The following PCDHA4 variants were observed in gnomAD, a reference collection of about 807,000 sequenced individuals.
The protein encoded by PCDHA4 is protocadherin alpha 4, also known as protocadherin alpha-4.
PCDHA4 carries 49 observed loss-of-function variants against 61.4 expected under a neutral mutation model. The observed-to-expected ratio is 0.80, with a 90% CI of 0.63 to 1.01. PCDHA4 has a LOEUF of 1.01. Among genes scored for constraint, PCDHA4 ranks in the 50% least tolerant of loss-of-function variants. PCDHA4 has a pLI of 0.00. For missense variants in PCDHA4, 1,254 were observed against 1,235.8 expected (o/e 1.01, Z -0.22); for synonymous variants, 590 against 550.3 (o/e 1.07, Z -1.01).
chr5:140,854,300 G>A lies in PCDHA4; in HGVS notation c.2385+44728G>A, dbSNP rs193127815. The A allele has an allele frequency of 1.0e-3, 435 of 414,882 alleles. 8 individuals are homozygous for A. Among genetic ancestry groups the A allele is most frequent in the African/African-American group, 1.4e-3 (63 of 46,296 alleles). The allele number at this position is 414,882 out of a possible 1,614,324, so 25.7% of individuals were successfully genotyped here. The stretch of plus-strand genomic sequence containing the variant: ...GAGTTTAGTTTTTATTATTTTGTGC[G>A]TGGAGATGATTGATCAATGGCAAAC... On this transcript the variant is annotated intron_variant, in intron 1 of 3. Coordinates refer to ENST00000530339, the MANE Select transcript of PCDHA4 (RefSeq NM_018907.4).
At chr5:140,883,626 C>A (rs782798960) in intron 1 of PCDHA4, 2 of 1,613,968 alleles carry the variant, frequency 1.2e-6, no homozygotes, top group Non-Finnish European at 1.7e-6. Flanking sequence ...GACAACGCGC[C>A]GGCGTTCGCG....
chr5:141,007,435 G>A (rs1342767950), intron 3 of PCDHA4, among the ~76,000 whole-genome samples: 1 of 150,972 alleles, frequency 6.6e-6, no homozygotes, highest in Non-Finnish European at 1.5e-5. Flanking sequence ...AGGCATGGTG[G>A]CATGTGCCTG....
At chr5:140,896,346 G>T (rs1466880160) in intron 1 of PCDHA4, among the ~76,000 whole-genome samples, 18 of 151,992 alleles carry the variant, frequency 1.2e-4, no homozygotes, top group Non-Finnish European at 2.5e-4. Flanking sequence ...TTATATTCCC[G>T]CCAGCAGTGT....
At chr5:140,911,985 A>C (rs1554195072) in intron 1 of PCDHA4, among the ~76,000 whole-genome samples, 2 of 152,204 alleles carry the variant, frequency 1.3e-5, no homozygotes, top group African/African-American at 4.8e-5. Flanking sequence ...CATGATCACA[A>C]GGTCCCACAA....
intron 1 of PCDHA4, chr5:140,858,429 C>G (rs1554151596): frequency 6.5e-7 from 1 of 1,548,730 alleles, no homozygotes; most frequent in African/African-American, 1.4e-5. Flanking sequence ...GGGGACCACT[C>G]TAGGAAGGTG....
intron 1 of PCDHA4, chr5:140,876,527 T>C (rs2056400042): frequency 6.2e-6 from 10 of 1,614,112 alleles, no homozygotes; most frequent in Non-Finnish European, 7.6e-6. Context: ...GAAGTAATGG[T>C]TACTTCACTG....
intron 2 of PCDHA4, among the ~76,000 whole-genome samples, chr5:140,979,721 C>T (rs2153819868): frequency 6.6e-6 from 1 of 152,290 alleles, no homozygotes; most frequent in East Asian, 1.9e-4. Context: ...GTATCCATGC[C>T]ATGGGGCCAA....
At chr5:140,900,512 G>T (rs1191935182) in intron 1 of PCDHA4, among the ~76,000 whole-genome samples, 4 of 152,300 alleles carry the variant, frequency 2.6e-5, no homozygotes, top group Middle Eastern at 3.4e-3. Context: ...CCCAGCCTCA[G>T]GTGATCTGCC....
At chr5:140,864,164 C>T (rs80100422) in intron 1 of PCDHA4, 19,126 of 151,926 alleles carry the variant, frequency 0.13, 1,273 homozygotes, top group Middle Eastern at 0.19. Context: ...TAAATCTTAC[C>T]GGAAGGATCA....
At chr5:140,811,618 G>T (rs1044460838) in intron 1 of PCDHA4, 1 of 152,134 alleles carries the variant, frequency 6.6e-6, no homozygotes, top group Non-Finnish European at 1.5e-5. Flanking sequence ...TCCCACCAAC[G>T]GTGTAAAAGC....
chr5:140,808,409 G>A lies in PCDHA4; in HGVS notation c.1222G>A (p.Val408Met), dbSNP rs1554124521. ...CACCTTCAAGAATTACTACTCGTTG[G>A]TGCTGGACAGTGCCCTGGACCGCGA... Reference protein sequence around the residue: ...VSTFKNYYSLVLDSALDRESV... With the variant: ...VSTFKNYYSLMLDSALDRESV... Residue 408 changes from valine (V) to methionine (M), a missense_variant, in exon 1 of 4, where the codon GTG becomes ATG. By Grantham distance (21) the Val-to-Met change is conservative (BLOSUM62 1). Coordinates refer to ENST00000530339, the MANE Select transcript of PCDHA4 (RefSeq NM_018907.4). 6.2e-7 allele frequency: 1 copy of A among 1,614,154 alleles called. No homozygotes were observed.
intron 1 of PCDHA4, chr5:140,834,324 A>G: frequency 6.9e-7 from 1 of 1,445,086 alleles, no homozygotes; most frequent in Non-Finnish European, 9.4e-7. Context: ...AGGGATAAAA[A>G]CATTCCTATA....
rs193007351 is a variant in PCDHA4 at position 140,836,957 on chromosome 5, G to A, written c.2385+27385G>A. The A allele has an allele frequency of 4.7e-4, 193 of 414,742 alleles. 3 individuals carry two copies. In the East Asian group the frequency reaches 5.2e-3, roughly 11 times the overall value. The allele number at this position is 414,742 out of a possible 1,614,324, so 25.7% of individuals were successfully genotyped here. On this transcript the variant is annotated intron_variant, in intron 1 of 3. Coordinates refer to ENST00000530339, the MANE Select transcript of PCDHA4 (RefSeq NM_018907.4). ...CTATAGATCAAAATCTATGGTTTATGTTGGCTACTCTCCATTTTTGGAGGA... is the reference window on the plus strand; with the variant it reads ...CTATAGATCAAAATCTATGGTTTATATTGGCTACTCTCCATTTTTGGAGGA...
At chr5:140,869,892 A>G in intron 1 of PCDHA4, 1 of 1,610,608 alleles carries the variant, frequency 6.2e-7, no homozygotes, top group Non-Finnish European at 8.5e-7. Context: ...TTGTGCTCAA[A>G]CTAAACGCCA....
chr5:140,843,735 G>T (rs1554140393), intron 1 of PCDHA4: 1 of 1,548,324 alleles, frequency 6.5e-7, no homozygotes, highest in African/African-American at 1.4e-5. Context: ...TTTAAATTTA[G>T]AACTCATAAA....
chr5:140,943,435 A>G (rs941814689), intron 1 of PCDHA4, among the ~76,000 whole-genome samples: 2 of 152,148 alleles, frequency 1.3e-5, no homozygotes, highest in African/African-American at 4.8e-5. Flanking sequence ...AATATGATAT[A>G]AAGGATAGAA....
intron 1 of PCDHA4, among the ~76,000 whole-genome samples, chr5:140,893,950 T>A (rs1244558882): frequency 6.6e-6 from 1 of 152,206 alleles, no homozygotes; most frequent in Non-Finnish European, 1.5e-5. Flanking sequence ...TCTGCATGAC[T>A]TTATTAGTCA....
chr5:140,941,193 TTC>T (rs1491512649), intron 1 of PCDHA4, among the ~76,000 whole-genome samples: 2 of 116,638 alleles, frequency 1.7e-5, no homozygotes, highest in Admixed American at 1.7e-4. Flanking sequence ...TTCTTTTTTT[TTC>T]TTTCTTCCTT....
At chr5:140,843,042 G>C in intron 1 of PCDHA4, 1 of 1,595,168 alleles carries the variant, frequency 6.3e-7, no homozygotes, top group Non-Finnish European at 8.6e-7. Context: ...GGTGGCACTG[G>C]TGGCGCAGCG....
Sources: gnomAD v4.1 joint callset for allele counts (sites outside exome capture counted in the v4.1 genomes callset) on GRCh38, gnomAD v4.1.1 for gene constraint, MANE v1.5 for transcripts, NCBI Gene and HGNC (gene_info 2026-07-23, HGNC 2026-07-21) for gene names.